The following SH3BP5 variants were observed in gnomAD, a reference collection of about 807,000 sequenced individuals.
The protein encoded by SH3BP5 is SH3 domain-binding protein 5.
A neutral mutation model predicts 43.3 loss-of-function variants in SH3BP5; 22 were observed. That is an observed-to-expected ratio of 0.51 (90% CI 0.36 to 0.73). The LOEUF is 0.73. Ranked by LOEUF, SH3BP5 falls within the 30% of genes least tolerant of loss-of-function variation. The pLI is 0.00. For missense variants in SH3BP5, 529 were observed against 586.9 expected (o/e 0.90, Z 1.02); for synonymous variants, 255 against 225.8 (o/e 1.13, Z -1.16).
chr3:15,294,290 AGTGTGTGTGTGTGT>A lies in SH3BP5; in HGVS notation c.330+9799_330+9812del, dbSNP rs10522979. On this transcript the variant is annotated intron_variant, in intron 3 of 8. Transcript: ENST00000383791. The stretch of plus-strand genomic sequence containing the variant: ...CCCAGTTTCTTCTTCTGCAAAAGTA[AGTGTGTGTGTGTGT>A]GTGTGTGTGTGTGTGTGTGTGTGTG... Among the ~76,000 whole-genome samples the A allele has an allele frequency of 4.2e-3, 586 of 138,230 alleles. 2 individuals are homozygous for A. The highest frequency in any genetic ancestry group is 7.5e-3 in the Middle Eastern group (2 of 266). The allele number at this position is 138,230 out of a possible 152,430, so 90.7% of individuals were successfully genotyped here. A position where few individuals can be genotyped will look rare whatever the true frequency, so the allele number is the denominator to read the frequency against.
Position 15,330,512 on chromosome 3 carries a change from C to G in SH3BP5, c.193G>C (p.Glu65Gln). The change falls in exon 2 of 9, where the codon GAA becomes CAA. Residue 65 changes from glutamate to glutamine, a missense_variant. Glu to Gln is a conservative substitution (Grantham distance 29). Around this residue, in one of 3 missense-constraint regions of SH3BP5, gnomAD observed 85 missense variants for 140.8 expected, o/e 0.60. Coordinates refer to ENST00000383791, the MANE Select transcript of SH3BP5 (RefSeq NM_004844.5). ...AACTCAGCTCTCTGTACCTCAAGTT[C>G]AGTCTCCCGTCTGTTGATATCATCC... ...STDDINRRET[E>Q]LEDARQKFRS... 1 of 1,613,154 alleles carries G rather than the reference C, an allele frequency of 6.2e-7. No individual in the cohort carries two copies. The highest frequency in any genetic ancestry group is 8.5e-7 in the Non-Finnish European group (1 of 1,179,304).
chr3:15,263,110 A>G (rs1324024858), intron 4 of SH3BP5, among the ~76,000 whole-genome samples: 2 of 152,226 alleles, frequency 1.3e-5, no homozygotes, highest in African/African-American at 4.8e-5. Flanking sequence ...AAATAGCTAA[A>G]TTGGCTGTGG....
At position 15,304,759 on chromosome 3, in the gene SH3BP5, G is replaced by A. The variant is rs575427172; in HGVS notation, c.202-528C>T. The stretch of plus-strand genomic sequence containing the variant: ...GAACCCAGGAGACAGAGCTTGTGGT[G>A]AGCCAAGATCATGCCACTGCACTCC... On this transcript the variant is annotated intron_variant, in intron 2 of 8. Transcript: ENST00000383791. Among the ~76,000 whole-genome samples the A allele has an allele frequency of 1.2e-4, 17 of 147,726 alleles. 1 individual carries two copies. The highest frequency in any genetic ancestry group is 4.0e-4 in the African/African-American group (16 of 39,762).
intron 3 of SH3BP5, among the ~76,000 whole-genome samples, chr3:15,299,189 C>T (rs1697660681): frequency 6.6e-6 from 1 of 152,224 alleles, no homozygotes; most frequent in South Asian, 2.1e-4. Flanking sequence ...CATCAGACTG[C>T]TCCCCTACCA....
intron 2 of SH3BP5, among the ~76,000 whole-genome samples, chr3:15,327,085 G>A (rs1698482180): frequency 6.6e-6 from 1 of 152,108 alleles, no homozygotes; most frequent in African/African-American, 2.4e-5. Flanking sequence ...AAACAAGACT[G>A]GGCACGGTGG....
chr3:15,325,055 C>T (rs771398542), intron 2 of SH3BP5, among the ~76,000 whole-genome samples: 8 of 152,154 alleles, frequency 5.3e-5, no homozygotes, highest in Non-Finnish European at 8.8e-5. Flanking sequence ...CGGACCCCTT[C>T]ACAGCCCTGG....
At chr3:15,266,279 CAACG>C (rs1236303298) in intron 4 of SH3BP5, among the ~76,000 whole-genome samples, 1 of 152,214 alleles carries the variant, frequency 6.6e-6, no homozygotes, top group African/African-American at 2.4e-5. Flanking sequence ...TCACACCCAC[CAACG>C]TCAGGGAGGC....
intron 5 of SH3BP5, 191 bp from the exon 6 acceptor site, chr3:15,259,994 G>C: frequency 1.6e-6 from 1 of 617,740 alleles, no homozygotes; most frequent in Non-Finnish European, 2.9e-6. Flanking sequence ...CAGATGGAAC[G>C]ACTGGGCTCA....
At chr3:15,320,638 A>ACACACACACACACACACACACC (rs1698302203) in intron 2 of SH3BP5, among the ~76,000 whole-genome samples, 3 of 141,806 alleles carry the variant, frequency 2.1e-5, no homozygotes, top group Admixed American at 2.1e-4. Context: ...ACACACACAC[A>ACACACACACACACACACACACC]CACCCCACTA....
intron 3 of SH3BP5, among the ~76,000 whole-genome samples, chr3:15,297,652 A>T (rs545197040): frequency 1.3e-5 from 2 of 152,300 alleles, no homozygotes; most frequent in East Asian, 3.9e-4. Flanking sequence ...CAGAGGCTTG[A>T]AAAGGGCTCA....
At chr3:15,292,922 G>C (rs1278939072) in intron 3 of SH3BP5, among the ~76,000 whole-genome samples, 2 of 152,156 alleles carry the variant, frequency 1.3e-5, no homozygotes, top group Non-Finnish European at 1.5e-5. Flanking sequence ...CCGAGGCAGA[G>C]CCAGCCAAGC....
At position 15,332,512 on chromosome 3, in the gene SH3BP5, C is replaced by A; in HGVS notation, c.-104G>T. The A allele has an allele frequency of 7.9e-7, 1 of 1,264,794 alleles. No homozygotes were observed. Among genetic ancestry groups the A allele is most frequent in the South Asian group, 2.9e-5 (1 of 34,596 alleles). 78.3% of individuals were successfully genotyped at this position (1,264,794 alleles called of 1,614,324 possible). On this transcript the variant is annotated 5_prime_UTR_variant, in exon 1 of 9. Transcript: ENST00000383791. ...CCGCCTCGCCACAGCCGGGCACGGT[C>A]GGGGAGCCGCCGGGGCCGACACCCG...
At chr3:15,277,917 A>G (rs1697016796) in intron 3 of SH3BP5, among the ~76,000 whole-genome samples, 1 of 152,174 alleles carries the variant, frequency 6.6e-6, no homozygotes, top group Admixed American at 6.5e-5. Flanking sequence ...ACTTTCTTCT[A>G]GAGAAAGTTG....
At chr3:15,270,925 CAAA>C (rs36096504) in intron 3 of SH3BP5, among the ~76,000 whole-genome samples, 1 of 98,386 alleles carries the variant, frequency 1.0e-5, no homozygotes, top group African/African-American at 4.5e-5. Context: ...GACTCCATCT[CAAA>C]AAAAAAAAAA....
chr3:15,307,122 T>C (rs1444743163), intron 2 of SH3BP5, among the ~76,000 whole-genome samples: 1 of 152,094 alleles, frequency 6.6e-6, no homozygotes, highest in Non-Finnish European at 1.5e-5. Flanking sequence ...GGATAAAAGC[T>C]TTACCTCCCA....
chr3:15,306,516 A>C (rs1013956504), intron 2 of SH3BP5, among the ~76,000 whole-genome samples: 10 of 150,524 alleles, frequency 6.6e-5, no homozygotes, highest in Non-Finnish European at 5.9e-5. Flanking sequence ...CAAAACAAAA[A>C]CAAAAGAAAA....
intron 3 of SH3BP5, among the ~76,000 whole-genome samples, chr3:15,296,204 C>T (rs1444290942): frequency 1.3e-5 from 2 of 152,112 alleles, no homozygotes; most frequent in Non-Finnish European, 2.9e-5. Flanking sequence ...GAAGATGGGG[C>T]TCCTGGAGGA....
chr3:15,298,988 TA>T (rs1415512619), intron 3 of SH3BP5, among the ~76,000 whole-genome samples: 1 of 152,140 alleles, frequency 6.6e-6, no homozygotes, highest in Non-Finnish European at 1.5e-5. Flanking sequence ...AAAAGAATGG[TA>T]AAAATGGTAC....
chr3:15,299,033 T>C (rs915831159), intron 3 of SH3BP5, among the ~76,000 whole-genome samples: 1 of 152,176 alleles, frequency 6.6e-6, no homozygotes, highest in Non-Finnish European at 1.5e-5. Flanking sequence ...CACAATTTTC[T>C]TAAAGAGGAG....
Sources: gnomAD v4.1 joint callset for allele counts (sites outside exome capture counted in the v4.1 genomes callset) on GRCh38, gnomAD v4.1.1 for gene constraint, gnomAD v4.1.1 regional missense constraint, MANE v1.5 for transcripts, NCBI Gene and HGNC (gene_info 2026-07-23, HGNC 2026-07-21) for gene names.